The following CPEB3 variants were observed in gnomAD, a reference collection of about 807,000 sequenced individuals.
CPEB3 encodes the protein cytoplasmic polyadenylation element-binding protein 3.
CPEB3 carries 20 observed loss-of-function variants against 67.2 expected under a neutral mutation model. The observed-to-expected ratio is 0.30, with a 90% CI of 0.21 to 0.43. The LOEUF is 0.43. Ranked by LOEUF, CPEB3 falls within the 20% of genes least tolerant of loss-of-function variation. CPEB3 has a pLI of 1.00. For missense variants in CPEB3, 746 were observed against 968.6 expected (o/e 0.77, Z 3.05); for synonymous variants, 376 against 393.1 (o/e 0.96, Z 0.51).
At chr10:92,245,877 A>T (rs920638322) in intron 1 of CPEB3, among the ~76,000 whole-genome samples, 1 of 151,928 alleles carries the variant, frequency 6.6e-6, no homozygotes, top group Non-Finnish European at 1.5e-5. Flanking sequence ...TCTCTACTAA[A>T]ACTATAAAAA....
At chr10:92,216,248 C>T in intron 2 of CPEB3, 1 of 1,228,548 alleles carries the variant, frequency 8.1e-7, no homozygotes, top group Non-Finnish European at 1.1e-6. Context: ...TCATACTGGC[C>T]AACATGGTGA....
chr10:92,208,828 C>T (rs1469089139), intron 2 of CPEB3, among the ~76,000 whole-genome samples: 1 of 152,084 alleles, frequency 6.6e-6, no homozygotes, highest in Non-Finnish European at 1.5e-5. Flanking sequence ...CTCCTGACCC[C>T]AAATGATTCA....
intron 1 of CPEB3, among the ~76,000 whole-genome samples, chr10:92,262,713 TAAAC>T (rs575681497): frequency 1.6e-3 from 242 of 152,178 alleles, no homozygotes; most frequent in African/African-American, 4.6e-3. Context: ...AATAAATAAA[TAAAC>T]AACCCCATGT....
intron 2 of CPEB3, among the ~76,000 whole-genome samples, chr10:92,222,465 C>G (rs1297474401): frequency 6.6e-6 from 1 of 152,070 alleles, no homozygotes; most frequent in African/African-American, 2.4e-5. Context: ...TTAGAAAAAG[C>G]TAGATACAAC....
chr10:92,076,774 A>G (rs901701529), intron 9 of CPEB3, among the ~76,000 whole-genome samples: 1 of 142,304 alleles, frequency 7.0e-6, no homozygotes, highest in Non-Finnish European at 1.6e-5. Flanking sequence ...AAGGAAGAAG[A>G]AGGAGGAAGG....
Position 92,081,132 on chromosome 10 carries a change from A to G in CPEB3, c.1869+188T>C, listed in dbSNP as rs534752351. 2.0e-5 allele frequency among the ~76,000 whole-genome samples: 3 copies of G among 152,322 alleles called. No homozygotes were observed. In the East Asian group the frequency reaches 5.8e-4, roughly 29 times the overall value. On this transcript the variant is annotated intron_variant, in intron 9 of 9. Transcript: ENST00000265997. ...ACATCACTCTGGGGATGGGTGAGGCAGAAGATTCCTTAATGCCTTAAATAT... is the reference window on the plus strand; with the variant it reads ...ACATCACTCTGGGGATGGGTGAGGCGGAAGATTCCTTAATGCCTTAAATAT...
chr10:92,274,768 T>A (rs1841900243), intron 1 of CPEB3, among the ~76,000 whole-genome samples: 1 of 151,798 alleles, frequency 6.6e-6, no homozygotes, highest in African/African-American at 2.4e-5. Context: ...TTGAATCGAG[T>A]GAGTCGAGGC....
At chr10:92,216,464 C>T (rs574372879) in intron 2 of CPEB3, 2 of 1,612,690 alleles carry the variant, frequency 1.2e-6, no homozygotes, top group Admixed American at 1.7e-5. Flanking sequence ...CCGCCTCAAG[C>T]GGAAGCTCTA....
intron 3 of CPEB3, among the ~76,000 whole-genome samples, chr10:92,184,744 G>A (rs1257448374): frequency 6.6e-6 from 1 of 152,058 alleles, no homozygotes; most frequent in Non-Finnish European, 1.5e-5. Context: ...CTTTAAGCTG[G>A]TTTCTTTACC....
intron 4 of CPEB3, among the ~76,000 whole-genome samples, chr10:92,177,216 G>C (rs562209223): frequency 6.6e-6 from 1 of 152,182 alleles, no homozygotes; most frequent in African/African-American, 2.4e-5. Flanking sequence ...TGCAAACGTC[G>C]AGTGTTTTTG....
At chr10:92,146,934 T>C (rs936421143) in intron 4 of CPEB3, among the ~76,000 whole-genome samples, 17 of 152,222 alleles carry the variant, frequency 1.1e-4, no homozygotes, top group African/African-American at 3.6e-4. Flanking sequence ...CTTTATTCCA[T>C]AGCCCACACT....
intron 9 of CPEB3, among the ~76,000 whole-genome samples, chr10:92,068,431 C>G (rs192718874): frequency 6.6e-6 from 1 of 152,144 alleles, no homozygotes; most frequent in East Asian, 1.9e-4. Flanking sequence ...CACAACCTCA[C>G]GGGCCTCTGT....
intron 9 of CPEB3, among the ~76,000 whole-genome samples, chr10:92,054,037 T>G (rs184039155): frequency 1.4e-4 from 22 of 152,324 alleles, no homozygotes; most frequent in Non-Finnish European, 2.4e-4. Context: ...TGACTGACAA[T>G]GTTTAGCATT....
rs183949698 is a variant in CPEB3, at chr10:92,121,766, C to A, written c.1454-10572G>T. Among the ~76,000 whole-genome samples the A allele has an allele frequency of 3.2e-3, 491 of 152,204 alleles. 2 individuals carry two copies. Among genetic ancestry groups the A allele is most frequent in the South Asian group, 0.011 (53 of 4,812 alleles). ...AGGAATGGCTGGTTTTGGATTGAGACCAACCCTAGAAGGAAAGGTCCATGG... is the reference window on the plus strand; with the variant it reads ...AGGAATGGCTGGTTTTGGATTGAGAACAACCCTAGAAGGAAAGGTCCATGG... On this transcript the variant is annotated intron_variant, in intron 6 of 9. Transcript: ENST00000265997.
intron 6 of CPEB3, chr10:92,136,955 G>T: frequency 5.5e-6 from 1 of 183,456 alleles, no homozygotes; most frequent in South Asian, 1.1e-4. Context: ...TGACAGTTTT[G>T]ATGATATGAA....
intron 1 of CPEB3, among the ~76,000 whole-genome samples, chr10:92,271,643 A>G (rs1237482371): frequency 6.6e-6 from 1 of 152,210 alleles, no homozygotes; most frequent in African/African-American, 2.4e-5. Context: ...TCAGAGCATC[A>G]TATCAGAAGG....
chr10:92,166,219 C>T (rs897048630), intron 4 of CPEB3, among the ~76,000 whole-genome samples: 8 of 152,142 alleles, frequency 5.3e-5, no homozygotes, highest in East Asian at 1.9e-4. Context: ...AGTGATTCTC[C>T]TGCCTCAGCC....
At chr10:92,055,512 T>A (rs554807679) in intron 9 of CPEB3, among the ~76,000 whole-genome samples, 2 of 152,308 alleles carry the variant, frequency 1.3e-5, no homozygotes, top group African/African-American at 4.8e-5. Context: ...CAGGAGACAT[T>A]ACGAACATTC....
At chr10:92,221,377 C>T (rs985139206) in intron 2 of CPEB3, among the ~76,000 whole-genome samples, 3 of 152,112 alleles carry the variant, frequency 2.0e-5, no homozygotes, top group Non-Finnish European at 4.4e-5. Context: ...CCTGTAATCC[C>T]AGCTACTCGG....
Sources: gnomAD v4.1 joint callset for allele counts (sites outside exome capture counted in the v4.1 genomes callset) on GRCh38, gnomAD v4.1.1 for gene constraint, MANE v1.5 for transcripts, NCBI Gene and HGNC (gene_info 2026-07-23, HGNC 2026-07-21) for gene names.